TAAR8: variants seen among roughly 807,000 people sequenced by gnomAD.
The protein encoded by TAAR8 is trace amine-associated receptor 8.
For synonymous variants in TAAR8, 157 were observed against 152.7 expected, an observed-to-expected ratio of 1.03 and a Z score of -0.21; for missense variants, 459 against 405.8, an observed-to-expected ratio of 1.13 and a Z score of -1.13.
chr6:132,552,675 A>G (rs766246313), upstream of TAAR8: 5 of 1,571,450 alleles, frequency 3.2e-6, no homozygotes, highest in South Asian at 2.4e-5. Context: ...GAAATAGCAA[A>G]CAACAAACAG....
At chr6:132,553,533 G>A (rs761742610) in exon 1 of TAAR8, 4 of 1,613,950 alleles carry the variant, frequency 2.5e-6, no homozygotes, top group Non-Finnish European at 8.5e-7. Context: ...ATTAATTGAT[G>A]CCTTTATGGG....
At chr6:132,553,534 C>T (rs1021714066) in exon 1 of TAAR8, 17 of 1,613,784 alleles carry the variant, frequency 1.1e-5, no homozygotes, top group Non-Finnish European at 1.4e-5. Context: ...TTAATTGATG[C>T]CTTTATGGGC....
At chr6:132,553,483 T>C in exon 1 of TAAR8, 1 of 1,614,040 alleles carries the variant, frequency 6.2e-7, no homozygotes, top group Non-Finnish European at 8.5e-7. Context: ...GTCACGGTAC[T>C]AGCATTTGTT....
chr6:132,553,562 T>C, exon 1 of TAAR8: 1 of 1,614,070 alleles, frequency 6.2e-7, no homozygotes, highest in Non-Finnish European at 8.5e-7. Flanking sequence ...CCCCTGCCTA[T>C]ATCTATGAAA....
chr6:132,553,149 A>G, exon 1 of TAAR8: 3 of 1,614,164 alleles, frequency 1.9e-6, no homozygotes, highest in Non-Finnish European at 2.5e-6. Flanking sequence ...AATTTGCATC[A>G]GCGTGTCCTG....
chr6:132,552,692 C>T, upstream of TAAR8: 2 of 1,603,578 alleles, frequency 1.2e-6, no homozygotes, highest in East Asian at 2.2e-5. Flanking sequence ...ACAGCAGAAC[C>T]ATGACCAGCA....
chr6:132,553,439 C>T (rs200640516), exon 1 of TAAR8: 25 of 1,613,822 alleles, frequency 1.5e-5, no homozygotes, highest in Non-Finnish European at 1.9e-5. Flanking sequence ...TCAGAGTGGC[C>T]AAGAGAGAGA....
At chr6:132,553,058 G>A (rs905570965) in exon 1 of TAAR8, 6 of 1,614,144 alleles carry the variant, frequency 3.7e-6, no homozygotes, top group Non-Finnish European at 5.1e-6. Context: ...TCCTCCACTT[G>A]TGCTTCATCT....
Position 132,553,013 on chromosome 6 carries a change from CA to C in TAAR8, c.322del (p.Ser108ValfsTer72). On this transcript the variant is annotated frameshift_variant, in exon 1 of 1. Transcript: ENST00000275200. LOFTEE classifies it low-confidence loss of function (END_TRUNC). ...TTGGAGCCAAATTTTGTACTCTTCA[CA>C]GTTGCTGTGATGTGGCATTTTGTTA... 6.2e-7 allele frequency: 1 copy of C among 1,614,216 alleles called. No homozygotes were observed. The highest frequency in any genetic ancestry group is 8.5e-7 in the Non-Finnish European group (1 of 1,180,046).
chr6:132,553,052 C>G, exon 1 of TAAR8: 1 of 1,614,208 alleles, frequency 6.2e-7, no homozygotes, highest in Non-Finnish European at 8.5e-7. Context: ...CTTCTGTCCT[C>G]CACTTGTGCT....
In TAAR8 at chr6:132,553,522, TATTA is replaced by T. The variant is rs764119221; in HGVS notation, c.834_837del (p.Ile279MetfsTer7). The T allele has an allele frequency of 9.1e-5, 147 of 1,613,946 alleles. No homozygotes were observed. Among genetic ancestry groups the T allele is most frequent in the Non-Finnish European group, 1.2e-4 (145 of 1,179,994 alleles). On this transcript the variant is annotated frameshift_variant, in exon 1 of 1. Transcript: ENST00000275200. LOFTEE classifies it low-confidence loss of function (END_TRUNC). ...TCATGGTTACCGTATACAGTTGATA[TATTA>T]ATTGATGCCTTTATGGGCTTCCTGA...
At chr6:132,552,869 T>C (rs1339962978) in exon 1 of TAAR8, 1 of 1,614,130 alleles carries the variant, frequency 6.2e-7, no homozygotes, top group African/African-American at 1.3e-5. Context: ...TTCTTCATTT[T>C]AAGCAGCTGC....
At chr6:132,552,701 C>T in exon 1 of TAAR8, 1 of 1,604,456 alleles carries the variant, frequency 6.2e-7, no homozygotes. Context: ...CCATGACCAG[C>T]AATTTTTCCC....
Position 132,553,502 on chromosome 6 carries a change from G to A in TAAR8, c.810G>A (p.Trp270Ter), listed in dbSNP as rs573130838. Residue 270 changes from tryptophan (W) to a stop codon, truncating the protein, a stop_gained, in exon 1 of 1, where the codon TGG becomes TGA. Coordinates refer to ENST00000275200, the Ensembl canonical transcript of TAAR8. LOFTEE classifies it low-confidence loss of function (END_TRUNC). Reference sequence around the variant, plus strand: ...CGGTACTAGCATTTGTTATTTCATGGTTACCGTATACAGTTGATATATTAA... The same window carrying A: ...CGGTACTAGCATTTGTTATTTCATGATTACCGTATACAGTTGATATATTAA... 6.2e-7 allele frequency: 1 copy of A among 1,614,070 alleles called. No individual in the cohort carries two copies. Among genetic ancestry groups the A allele is most frequent in the East Asian group, 2.2e-5 (1 of 44,878 alleles).
chr6:132,553,555 C>T, exon 1 of TAAR8: 1 of 1,614,010 alleles, frequency 6.2e-7, no homozygotes, highest in Non-Finnish European at 8.5e-7. Flanking sequence ...TTCCTGACCC[C>T]TGCCTATATC....
exon 1 of TAAR8, chr6:132,553,101 C>A (rs746760369): frequency 6.2e-7 from 1 of 1,614,204 alleles, no homozygotes. Context: ...TACTGATCCC[C>A]TGGTCTATGC....
exon 1 of TAAR8, chr6:132,553,075 A>G: frequency 6.2e-7 from 1 of 1,614,172 alleles, no homozygotes; most frequent in Non-Finnish European, 8.5e-7. Context: ...ATCTGCATCG[A>G]CAGGTACATT....
exon 1 of TAAR8, chr6:132,552,948 C>T (rs955436418): frequency 1.2e-6 from 2 of 1,614,112 alleles, no homozygotes; most frequent in African/African-American, 1.3e-5. Flanking sequence ...GACTGTGATG[C>T]TTTTCAGCAT....
exon 1 of TAAR8, chr6:132,553,306 T>C (rs557196337): frequency 1.2e-6 from 2 of 1,614,210 alleles, no homozygotes; most frequent in Non-Finnish European, 8.5e-7. Context: ...TTTCTGTTAT[T>C]CTTCATACCT....
Sources: allele counts gnomAD v4.1 joint callset, GRCh38; gene constraint gnomAD v4.1.1; transcripts MANE v1.5; gene names NCBI Gene and HGNC (gene_info 2026-07-23, HGNC 2026-07-21).